The following PCBP3 variants were observed in gnomAD, a reference collection of about 807,000 sequenced individuals.
PCBP3 encodes poly(rC)-binding protein 3.
A neutral mutation model predicts 52.7 loss-of-function variants in PCBP3; 25 were observed. That is an observed-to-expected ratio of 0.47 (90% CI 0.35 to 0.66). The LOEUF (loss-of-function observed/expected upper bound fraction) is 0.66. Among genes scored for constraint, PCBP3 ranks in the 30% least tolerant of loss-of-function variants. The probability of loss-of-function intolerance (pLI) is 0.01; values close to 1 mark genes in which losing one functional copy is unlikely to be tolerated. For missense variants in PCBP3, 391 were observed against 490.3 expected, an observed-to-expected ratio of 0.80 and a Z score of 1.91; for synonymous variants, 162 against 183.0, an observed-to-expected ratio of 0.89 and a Z score of 0.93.
rs74615980 is a variant in PCBP3, at chr21:45,782,475, T to C, written c.-126+27023T>C. Among the ~76,000 whole-genome samples, 369 of 152,300 alleles carry C rather than the reference T, an allele frequency of 2.4e-3. 2 individuals carry two copies. Among genetic ancestry groups the C allele is most frequent in the African/African-American group, 8.6e-3 (356 of 41,558 alleles). The stretch of plus-strand genomic sequence containing the variant: ...CAGGCACAGTGCATTGGGAGGCAGT[T>C]CAGTGCAGTCAGTCTGTGTTGAAGC... On this transcript the variant is annotated intron_variant, in intron 4 of 17. Coordinates refer to ENST00000681687, the MANE Select transcript of PCBP3 (RefSeq NM_001384156.1).
At chr21:45,910,870 T>C in intron 10 of PCBP3, 32 bp from the exon 11 acceptor site, 1 of 1,571,730 alleles carries the variant, frequency 6.4e-7, no homozygotes. Flanking sequence ...GCTGCTACCC[T>C]GGTGCTCCCT....
At chr21:45,797,368 G>A (rs200716908) in intron 4 of PCBP3, among the ~76,000 whole-genome samples, 1 of 43,616 alleles carries the variant, frequency 2.3e-5, no homozygotes, top group African/African-American at 8.2e-5. Context: ...TGGATCCACA[G>A]AGAGTGAATG....
At chr21:45,910,719 G>A (rs2096370926) in intron 10 of PCBP3, among the ~76,000 whole-genome samples, 183 bp from the exon 11 acceptor site, 1 of 152,172 alleles carries the variant, frequency 6.6e-6, no homozygotes, top group African/African-American at 2.4e-5. Flanking sequence ...CGGGTGCCAG[G>A]CCGTGGTAGC....
chr21:45,838,317 G>A (rs1180764830), intron 4 of PCBP3, among the ~76,000 whole-genome samples: 5 of 152,038 alleles, frequency 3.3e-5, no homozygotes, highest in South Asian at 2.1e-4. Flanking sequence ...GCCTTCTGTC[G>A]TATGTGTTCC....
chr21:45,838,122 G>C (rs2093629184), intron 4 of PCBP3, among the ~76,000 whole-genome samples: 1 of 152,210 alleles, frequency 6.6e-6, no homozygotes, highest in Admixed American at 6.5e-5. Context: ...CCCCAGTGTT[G>C]TCCTGTGAAT....
chr21:45,690,912 G>A (rs189437045), intron 2 of PCBP3, among the ~76,000 whole-genome samples: 1 of 152,190 alleles, frequency 6.6e-6, no homozygotes, highest in East Asian at 1.9e-4. Flanking sequence ...GGGCAAGGGG[G>A]AGAGTAAACC....
chr21:45,757,879 C>CTA (rs1475693088), intron 4 of PCBP3, among the ~76,000 whole-genome samples: 9 of 140,438 alleles, frequency 6.4e-5, no homozygotes, highest in Admixed American at 5.3e-4. Context: ...ACCCATTGGT[C>CTA]TATATATATT....
chr21:45,859,357 C>T (rs2148405631), intron 5 of PCBP3, among the ~76,000 whole-genome samples: 1 of 147,724 alleles, frequency 6.8e-6, no homozygotes. Context: ...AGAGAGGGTT[C>T]TCTGAGAGAG....
At chr21:45,663,335 T>C (rs1336515822) in intron 1 of PCBP3, among the ~76,000 whole-genome samples, 2 of 152,118 alleles carry the variant, frequency 1.3e-5, no homozygotes, top group South Asian at 2.1e-4. Flanking sequence ...TCGGGGCCAC[T>C]ACTGGTGTCC....
intron 2 of PCBP3, among the ~76,000 whole-genome samples, chr21:45,698,674 C>A (rs1021289840): frequency 5.3e-5 from 8 of 152,252 alleles, no homozygotes; most frequent in African/African-American, 1.9e-4. Flanking sequence ...GCACTGCTGG[C>A]AAACATGCTG....
chr21:45,797,516 A>ATGGATGGACGAATG (rs2091997897), intron 4 of PCBP3, among the ~76,000 whole-genome samples: 1 of 51,716 alleles, frequency 1.9e-5, no homozygotes, highest in African/African-American at 5.9e-5. Flanking sequence ...ATAGATGAGT[A>ATGGATGGACGAATG]CATGGATCCG....
chr21:45,798,948 A>T (rs112056429), intron 4 of PCBP3, among the ~76,000 whole-genome samples: 2 of 147,714 alleles, frequency 1.4e-5, no homozygotes, highest in Admixed American at 1.3e-4. Context: ...TACATGGATG[A>T]ATGCATGGAT....
At chr21:45,720,427 C>T (rs1410037077) in intron 2 of PCBP3, among the ~76,000 whole-genome samples, 1 of 152,130 alleles carries the variant, frequency 6.6e-6, no homozygotes, top group Non-Finnish European at 1.5e-5. Context: ...GCATAGTATT[C>T]CATGGTATAT....
Position 45,735,836 on chromosome 21 carries a change from G to C in PCBP3, c.-162+407G>C, listed in dbSNP as rs2085828440. Reference sequence around the variant, plus strand: ...TTGTGCCAACAGTGCCCACTGCCCGGTAGTGCCTGTGTGTGCGGTGGCCAT... The same window carrying C: ...TTGTGCCAACAGTGCCCACTGCCCGCTAGTGCCTGTGTGTGCGGTGGCCAT... On this transcript the variant is annotated intron_variant, in intron 3 of 17. Coordinates refer to ENST00000681687, the MANE Select transcript of PCBP3 (RefSeq NM_001384156.1). This position sits in a 1 kb window ranked among gnomAD's most constrained non-coding sequence, Gnocchi z 4.0. Among the ~76,000 whole-genome samples, 1 of 152,182 alleles carries C rather than the reference G, an allele frequency of 6.6e-6. No individual in the cohort carries two copies. Among genetic ancestry groups the C allele is most frequent in the African/African-American group, 2.4e-5 (1 of 41,442 alleles).
chr21:45,815,020 G>A (rs2092842382), intron 4 of PCBP3, among the ~76,000 whole-genome samples: 1 of 129,814 alleles, frequency 7.7e-6, no homozygotes, highest in African/African-American at 3.2e-5. Context: ...AGTGATGAGT[G>A]AGTGGTGAGT....
intron 5 of PCBP3, among the ~76,000 whole-genome samples, chr21:45,854,616 T>G (rs1416239904): frequency 6.6e-6 from 1 of 152,238 alleles, no homozygotes; most frequent in East Asian, 1.9e-4. Flanking sequence ...CTGACCGATA[T>G]CCTGTTGTAT....
intron 4 of PCBP3, among the ~76,000 whole-genome samples, chr21:45,840,436 G>T (rs950420683): frequency 7.2e-6 from 1 of 139,018 alleles, no homozygotes; most frequent in Non-Finnish European, 1.5e-5. Context: ...CAGCCTGGGT[G>T]ACAGAGCGGG....
intron 4 of PCBP3, among the ~76,000 whole-genome samples, chr21:45,781,931 A>G (rs1202429140): frequency 1.3e-5 from 2 of 152,228 alleles, no homozygotes; most frequent in Non-Finnish European, 2.9e-5. Flanking sequence ...GGAAATGCAC[A>G]ATATATATAC....
intron 4 of PCBP3, among the ~76,000 whole-genome samples, chr21:45,785,714 T>C (rs1360191223): frequency 2.0e-5 from 3 of 152,122 alleles, no homozygotes; most frequent in Non-Finnish European, 4.4e-5. Flanking sequence ...GGGGAAAAGA[T>C]TGAGAAATCG....
Sources: gnomAD v4.1 joint callset for allele counts (sites outside exome capture counted in the v4.1 genomes callset) on GRCh38, gnomAD v4.1.1 for gene constraint, Gnocchi (gnomAD v3.1) non-coding constraint, MANE v1.5 for transcripts, NCBI Gene and HGNC (gene_info 2026-07-23, HGNC 2026-07-21) for gene names.